Variants in ARMH4 observed in about 807,000 individuals in gnomAD.
ARMH4 encodes armadillo like helical domain containing 4.
Under a neutral mutation model 61.9 loss-of-function variants are expected in ARMH4, and 49 were observed. The observed-to-expected ratio is 0.79, with a 90% CI of 0.63 to 1.00. ARMH4 has a LOEUF of 1.00. Ranked by LOEUF, ARMH4 falls within the 50% of genes least tolerant of loss-of-function variation. The pLI is 0.00. For synonymous variants in ARMH4, 368 were observed against 341.5 expected (o/e 1.08, Z -0.85); for missense variants, 934 against 930.0 (o/e 1.00, Z -0.06).
chr14:58,072,491 G>T (rs1049089495), intron 5 of ARMH4, among the ~76,000 whole-genome samples: 1 of 152,050 alleles, frequency 6.6e-6, no homozygotes, highest in African/African-American at 2.4e-5. Context: ...GGCGGAGGTG[G>T]GTGGATCACC....
chr14:58,138,209 G>A lies in ARMH4; in HGVS notation c.1150C>T (p.His384Tyr). The A allele has an allele frequency of 6.2e-7, 1 of 1,614,202 alleles. No homozygotes were observed. Among genetic ancestry groups the A allele is most frequent in the Non-Finnish European group, 8.5e-7 (1 of 1,180,026 alleles). ...THTGTALLIAHGNERSPAFTD... is the reference protein window; with the variant it reads ...THTGTALLIAYGNERSPAFTD... ...AAAGCAGGTGATCTCTCATTCCCAT[G>A]CGCTATTAGCAGGGCTGTGCCCGTG... is the stretch of plus-strand genomic sequence containing the variant. The change falls in exon 2 of 8, where the codon CAT becomes TAT. Residue 384 changes from histidine (H) to tyrosine (Y), a missense_variant. Transcript: ENST00000267485.
chr14:58,141,534 C>T, intron 1 of ARMH4: 1 of 530,480 alleles, frequency 1.9e-6, no homozygotes, highest in Admixed American at 2.0e-5. Flanking sequence ...TCCGCCAGCT[C>T]GTCCAGAAAT....
At chr14:58,008,749 T>C (rs965398289) in intron 6 of ARMH4, among the ~76,000 whole-genome samples, 1 of 152,292 alleles carries the variant, frequency 6.6e-6, no homozygotes, top group African/African-American at 2.4e-5. Flanking sequence ...GTCTGAGAAT[T>C]TGCATATCCA....
At position 58,131,658 on chromosome 14, in the gene ARMH4, G is replaced by A. The variant is rs751504037; in HGVS notation, c.1685C>T (p.Thr562Ile). 1.2e-6 allele frequency: 2 copies of A among 1,614,048 alleles called. No individual in the cohort carries two copies. Among genetic ancestry groups the A allele is most frequent in the Non-Finnish European group, 1.7e-6 (2 of 1,180,014 alleles). ...EFTPVLGSPV[T>I]PPGIMVGEPS... ...TTCCCCCACCATTATTCCAGGAGGT[G>A]TCACTGGAGATCCCAGAACTGGTGT... is the stretch of plus-strand genomic sequence containing the variant. The change falls in exon 4 of 8, where the codon ACA becomes ATA. Residue 562 changes from threonine (T) to isoleucine (I), a missense_variant. Thr to Ile is a moderately conservative substitution (Grantham distance 89, BLOSUM62 -1). Transcript: ENST00000267485.
intron 5 of ARMH4, among the ~76,000 whole-genome samples, chr14:58,020,078 T>C (rs1435625432): frequency 6.6e-6 from 1 of 152,206 alleles, no homozygotes; most frequent in Non-Finnish European, 1.5e-5. Flanking sequence ...ACAAAAATTC[T>C]GCAAGGTAGA....
At chr14:58,056,833 G>C (rs7157861) in intron 5 of ARMH4, among the ~76,000 whole-genome samples, 7,151 of 152,248 alleles carry the variant, frequency 0.047, 179 homozygotes, top group African/African-American at 0.059. Context: ...TTGCCTACCT[G>C]CCCTAGTTTT....
chr14:58,027,870 C>T (rs993193220), intron 5 of ARMH4, among the ~76,000 whole-genome samples: 2 of 152,132 alleles, frequency 1.3e-5, no homozygotes, highest in Non-Finnish European at 2.9e-5. Context: ...AAAAGCATTA[C>T]AGTTAATATG....
chr14:58,089,361 T>C (rs1182304324), intron 5 of ARMH4, among the ~76,000 whole-genome samples: 1 of 152,194 alleles, frequency 6.6e-6, no homozygotes, highest in Admixed American at 6.5e-5. Context: ...TAGCTACATG[T>C]TAAGTGTTTT....
intron 5 of ARMH4, among the ~76,000 whole-genome samples, chr14:58,020,478 G>A (rs1420054020): frequency 6.6e-6 from 1 of 151,996 alleles, no homozygotes; most frequent in African/African-American, 2.4e-5. Context: ...ATTTGTGTCT[G>A]TCTGTCCTTT....
intron 4 of ARMH4, chr14:58,101,152 G>A (rs895345540): frequency 6.5e-6 from 1 of 152,694 alleles, no homozygotes; most frequent in African/African-American, 2.4e-5. Flanking sequence ...CTGCATGTAG[G>A]ACTGTGATGC....
At chr14:58,143,565 G>A (rs1186985568) in intron 1 of ARMH4, among the ~76,000 whole-genome samples, 2 of 152,150 alleles carry the variant, frequency 1.3e-5, no homozygotes, top group African/African-American at 2.4e-5. Context: ...CCAGGTTCAA[G>A]TGATTCTCCT....
intron 5 of ARMH4, among the ~76,000 whole-genome samples, chr14:58,074,905 A>C (rs1007109633): frequency 6.6e-6 from 1 of 152,226 alleles, no homozygotes; most frequent in Admixed American, 6.5e-5. Context: ...TGCTGGCTCC[A>C]GCACAGTGCT....
At chr14:58,040,634 T>C (rs535779172) in intron 5 of ARMH4, among the ~76,000 whole-genome samples, 1 of 152,326 alleles carries the variant, frequency 6.6e-6, no homozygotes, top group Admixed American at 6.5e-5. Flanking sequence ...TACATGTACT[T>C]GTGTCTTTAT....
chr14:58,073,419 C>T (rs1884948234), intron 5 of ARMH4, among the ~76,000 whole-genome samples: 1 of 152,038 alleles, frequency 6.6e-6, no homozygotes, highest in South Asian at 2.1e-4. Context: ...CAAACATATC[C>T]CAAGCTGCTG....
intron 5 of ARMH4, among the ~76,000 whole-genome samples, chr14:58,076,940 T>C (rs1885065877): frequency 1.3e-5 from 2 of 152,182 alleles, no homozygotes; most frequent in Non-Finnish European, 2.9e-5. Context: ...GACTTAGCTT[T>C]GTCTACACCA....
intron 5 of ARMH4, among the ~76,000 whole-genome samples, chr14:58,057,057 T>A (rs1884370237): frequency 6.6e-6 from 1 of 152,188 alleles, no homozygotes; most frequent in Non-Finnish European, 1.5e-5. Context: ...CCTGAATGAT[T>A]TGTGGAGCAG....
chr14:58,124,752 C>A (rs1166120999), intron 4 of ARMH4, among the ~76,000 whole-genome samples: 1 of 152,144 alleles, frequency 6.6e-6, no homozygotes, highest in Non-Finnish European at 1.5e-5. Context: ...AGCTTGTATA[C>A]TGATGGAAGT....
intron 5 of ARMH4, among the ~76,000 whole-genome samples, chr14:58,059,855 T>C (rs527382011): frequency 3.7e-4 from 57 of 152,348 alleles, no homozygotes; most frequent in African/African-American, 1.3e-3. Context: ...CTGCGTTATA[T>C]GTGAGCTCCC....
rs1176446784 is a variant in ARMH4 at position 58,003,184 on chromosome 14, T to C, written c.*1552A>G. ...ATTCCCTGCTATTCCCTTAGAACCT[T>C]TGTTTTAAAGAAGGACCCTGAAATG... On this transcript the variant is annotated 3_prime_UTR_variant, in exon 8 of 8. Transcript: ENST00000267485. 1 of 152,184 alleles carries C rather than the reference T, an allele frequency of 6.6e-6. No homozygotes were observed. The highest frequency in any genetic ancestry group is 1.5e-5 in the Non-Finnish European group (1 of 68,038). 9.4% of individuals were successfully genotyped at this position (152,184 alleles called of 1,614,324 possible).
Sources: gnomAD v4.1 joint callset for allele counts (sites outside exome capture counted in the v4.1 genomes callset) on GRCh38, gnomAD v4.1.1 for gene constraint, MANE v1.5 for transcripts, NCBI Gene and HGNC (gene_info 2026-07-23, HGNC 2026-07-21) for gene names.